Variants in VSTM4 observed in about 807,000 individuals in gnomAD.
VSTM4 encodes V-set and transmembrane domain-containing protein 4.
Under a neutral mutation model 36.4 loss-of-function variants are expected in VSTM4, and 20 were observed. The ratio of observed to expected loss-of-function variants is 0.55; its 90% CI spans 0.39 to 0.80. VSTM4 has a LOEUF of 0.80. Ranked by LOEUF, VSTM4 falls within the 30% of genes least tolerant of loss-of-function variation. The pLI, the probability that VSTM4 is intolerant of heterozygous loss-of-function variation, is 0.00. For synonymous variants in VSTM4, 182 were observed against 173.9 expected (o/e 1.05, Z -0.37); for missense variants, 392 against 404.5 (o/e 0.97, Z 0.26).
intron 2 of VSTM4, among the ~76,000 whole-genome samples, chr10:49,106,198 A>C (rs1844779502): frequency 6.6e-6 from 1 of 152,372 alleles, no homozygotes; most frequent in Non-Finnish European, 1.5e-5. Context: ...AATACTTTTC[A>C]CAACTAAGTT....
intron 7 of VSTM4, among the ~76,000 whole-genome samples, chr10:49,035,079 G>A (rs2131945303): frequency 6.6e-6 from 1 of 152,274 alleles, no homozygotes; most frequent in South Asian, 2.1e-4. Context: ...GCCCCAGAGT[G>A]GAGCCGCACC....
chr10:49,082,886 C>G, intron 3 of VSTM4, among the ~76,000 whole-genome samples: 1 of 152,238 alleles, frequency 6.6e-6, no homozygotes, highest in Non-Finnish European at 1.5e-5. Flanking sequence ...GGCTGGCAGG[C>G]TGGAGCAGCT....
At chr10:49,043,813 A>G (rs747408257) in intron 7 of VSTM4, among the ~76,000 whole-genome samples, 11 of 152,242 alleles carry the variant, frequency 7.2e-5, no homozygotes, top group Non-Finnish European at 8.8e-5. Context: ...AAACTGCACA[A>G]GTACTTCATT....
intron 5 of VSTM4, among the ~76,000 whole-genome samples, chr10:49,057,319 C>T (rs1365174469): frequency 1.3e-5 from 2 of 152,312 alleles, no homozygotes; most frequent in Non-Finnish European, 2.9e-5. Flanking sequence ...ACCAACTGTG[C>T]CTTGCAGAGT....
chr10:49,080,182 A>G (rs560213748), intron 3 of VSTM4, among the ~76,000 whole-genome samples: 2 of 152,374 alleles, frequency 1.3e-5, no homozygotes, highest in African/African-American at 4.8e-5. Flanking sequence ...TAGCTGAGTC[A>G]ACAGGAAAAG....
At chr10:49,105,835 G>A (rs571147102) in intron 2 of VSTM4, among the ~76,000 whole-genome samples, 134 of 140,098 alleles carry the variant, frequency 9.6e-4, no homozygotes, top group African/African-American at 3.1e-3. Context: ...TATCATATGT[G>A]TGTGTGTATA....
At chr10:49,042,381 C>A (rs939245066) in intron 7 of VSTM4, among the ~76,000 whole-genome samples, 2 of 152,160 alleles carry the variant, frequency 1.3e-5, no homozygotes, top group African/African-American at 4.8e-5. Context: ...CCTGCTAGAA[C>A]CCACAGTTCA....
At chr10:49,084,274 AAAT>A (rs1844331784) in intron 3 of VSTM4, among the ~76,000 whole-genome samples, 1 of 152,250 alleles carries the variant, frequency 6.6e-6, no homozygotes, top group African/African-American at 2.4e-5. Flanking sequence ...GGCAGTCATC[AAAT>A]AAAGAAAAAG....
At chr10:49,068,868 C>T (rs1844021642) in intron 4 of VSTM4, among the ~76,000 whole-genome samples, 1 of 152,298 alleles carries the variant, frequency 6.6e-6, no homozygotes, top group Admixed American at 6.5e-5. Context: ...GGCACTTGAC[C>T]TAGAAGCAAC....
At chr10:49,104,289 G>A (rs1197455958) in intron 2 of VSTM4, among the ~76,000 whole-genome samples, 1 of 151,440 alleles carries the variant, frequency 6.6e-6, no homozygotes, top group Non-Finnish European at 1.5e-5. Context: ...ACAGAGCAAG[G>A]AGACTCTGTC....
chr10:49,051,352 C>T (rs1362367371), intron 5 of VSTM4, among the ~76,000 whole-genome samples: 1 of 151,854 alleles, frequency 6.6e-6, no homozygotes, highest in Non-Finnish European at 1.5e-5. Flanking sequence ...ATGCAATTAC[C>T]CTTCCTCCGT....
At chr10:49,059,182 A>G (rs1316875417) in intron 5 of VSTM4, among the ~76,000 whole-genome samples, 1 of 152,210 alleles carries the variant, frequency 6.6e-6, no homozygotes, top group African/African-American at 2.4e-5. Flanking sequence ...GGAGCTGACT[A>G]CCAGGTTTAT....
chr10:49,053,512 G>T (rs952125320), intron 5 of VSTM4, among the ~76,000 whole-genome samples: 1 of 152,228 alleles, frequency 6.6e-6, no homozygotes, highest in African/African-American at 2.4e-5. Context: ...TGTAAAAGGG[G>T]AGGTGTATGT....
chr10:49,102,439 T>A, intron 2 of VSTM4: 1 of 985,410 alleles, frequency 1.0e-6, no homozygotes, highest in Non-Finnish European at 1.2e-6. Flanking sequence ...TGGCCAACTC[T>A]TTTATGTATA....
chr10:49,061,145 G>C (rs1360061952), intron 5 of VSTM4, among the ~76,000 whole-genome samples: 2 of 152,144 alleles, frequency 1.3e-5, no homozygotes, highest in African/African-American at 4.8e-5. Flanking sequence ...TCTAGAATCA[G>C]TGTGTCACTT....
intron 1 of VSTM4, among the ~76,000 whole-genome samples, chr10:49,111,491 C>T (rs1844893742): frequency 6.6e-6 from 1 of 152,176 alleles, no homozygotes; most frequent in African/African-American, 2.4e-5. Flanking sequence ...TGTCACTCGC[C>T]CCCTCCTCCA....
At chr10:49,047,129 T>C in intron 6 of VSTM4, 85 bp from the exon 7 acceptor site, 1 of 1,375,396 alleles carries the variant, frequency 7.3e-7, no homozygotes, top group Non-Finnish European at 1.0e-6. Flanking sequence ...GGACATATTC[T>C]GAGAGGTCTC....
chr10:49,028,993 T>C lies in VSTM4; in HGVS notation c.838-9218A>G, dbSNP rs376838886. On this transcript the variant is annotated intron_variant, in intron 7 of 7. Transcript: ENST00000332853. ...CTTCTACCTGCAAGATAAGTGCTCA[T>C]TTTTTATTCAATGGAGTAACTTGTA... is the stretch of plus-strand genomic sequence containing the variant. Among the ~76,000 whole-genome samples, 55 of 152,340 alleles carry C rather than the reference T, an allele frequency of 3.6e-4. 1 individual carries two copies. The East Asian group carries it at 7.9e-3, about 22-fold the overall frequency.
At chr10:49,115,249 G>A (rs937009301) in intron 1 of VSTM4, among the ~76,000 whole-genome samples, 182 bp downstream of exon 1, 39 of 151,880 alleles carry the variant, frequency 2.6e-4, no homozygotes, top group African/African-American at 8.7e-4. Context: ...TTGGGGAGGC[G>A]CCGCTGCGCC....
Sources: allele counts gnomAD v4.1 joint callset (sites outside exome capture counted in the v4.1 genomes callset), GRCh38; gene constraint gnomAD v4.1.1; transcripts MANE v1.5; gene names NCBI Gene and HGNC (gene_info 2026-07-23, HGNC 2026-07-21).